MACROD2: variants seen among roughly 807,000 people sequenced by gnomAD.
The protein encoded by MACROD2 is ADP-ribose glycohydrolase MACROD2.
Under a neutral mutation model 70.4 loss-of-function variants are expected in MACROD2, and 36 were observed. The observed-to-expected ratio is 0.51, with a 90% CI of 0.39 to 0.68. The LOEUF is 0.68. MACROD2 is among the 30% of genes least tolerant of loss of function. The pLI is 0.00. For synonymous variants in MACROD2, 172 were observed against 178.8 expected (o/e 0.96, Z 0.30); for missense variants, 496 against 538.4 (o/e 0.92, Z 0.78).
At chr20:15,461,553 A>G (rs1484586381) in intron 7 of MACROD2, among the ~76,000 whole-genome samples, 3 of 152,216 alleles carry the variant, frequency 2.0e-5, no homozygotes, top group African/African-American at 7.2e-5. Context: ...ACAGTGGACA[A>G]GTTAGTTAAC....
intron 5 of MACROD2, among the ~76,000 whole-genome samples, chr20:14,817,651 T>G (rs533818493): frequency 6.7e-4 from 102 of 152,250 alleles, no homozygotes; most frequent in African/African-American, 2.1e-3. Flanking sequence ...TCCTGTTTGT[T>G]TGGTTTATTT....
intron 3 of MACROD2, among the ~76,000 whole-genome samples, chr20:14,461,760 G>T (rs6079452): frequency 0.3 from 44,812 of 151,148 alleles, 6,822 homozygotes; most frequent in African/African-American, 0.33. Flanking sequence ...GTGGTGTCTG[G>T]TTTTTTGTCC....
At chr20:15,118,695 G>T (rs2076009761) in intron 5 of MACROD2, among the ~76,000 whole-genome samples, 1 of 152,154 alleles carries the variant, frequency 6.6e-6, no homozygotes, top group Non-Finnish European at 1.5e-5. Context: ...GAAGGGTTTA[G>T]GTTGTAGAAC....
At chr20:15,066,313 T>A (rs1425472646) in intron 5 of MACROD2, among the ~76,000 whole-genome samples, 2 of 151,458 alleles carry the variant, frequency 1.3e-5, no homozygotes, top group Admixed American at 1.3e-4. Flanking sequence ...TTTGTATTTT[T>A]AGTAGAGACA....
chr20:15,756,588 C>T (rs138049972), intron 8 of MACROD2, among the ~76,000 whole-genome samples: 4 of 151,978 alleles, frequency 2.6e-5, no homozygotes, highest in Non-Finnish European at 4.4e-5. Flanking sequence ...ATGAGGATGC[C>T]GTCATAAAAT....
chr20:15,047,242 A>G (rs990797423), intron 5 of MACROD2, among the ~76,000 whole-genome samples: 1 of 152,210 alleles, frequency 6.6e-6, no homozygotes, highest in Non-Finnish European at 1.5e-5. Flanking sequence ...TGTTTATAGT[A>G]TGTACTGTGC....
At position 15,718,018 on chromosome 20, in the gene MACROD2, C is replaced by CTTTTTT. The variant is rs11087142; in HGVS notation, c.646-144717_646-144712dup. On this transcript the variant is annotated intron_variant, in intron 8 of 17. Coordinates refer to ENST00000684519, the MANE Select transcript of MACROD2 (RefSeq NM_001351661.2). ...CCATGTTTTTTATTGTGTTTTCTCT[C>CTTTTTT]TTTTTTTTTTTTTTTGTTTTGAGAC... 1.6e-3 allele frequency among the ~76,000 whole-genome samples: 221 copies of CTTTTTT among 140,406 alleles called. 2 individuals carry two copies. Among genetic ancestry groups the CTTTTTT allele is most frequent in the African/African-American group, 5.5e-3 (209 of 37,928 alleles). 92.1% of individuals were successfully genotyped at this position (140,406 alleles called of 152,430 possible).
At chr20:15,079,436 A>G (rs542049100) in intron 5 of MACROD2, among the ~76,000 whole-genome samples, 3 of 151,984 alleles carry the variant, frequency 2.0e-5, no homozygotes, top group Non-Finnish European at 4.4e-5. Flanking sequence ...CATTGCAATA[A>G]TTGCACCAGC....
At chr20:14,166,326 T>C (rs1463698083) in intron 3 of MACROD2, among the ~76,000 whole-genome samples, 1 of 152,024 alleles carries the variant, frequency 6.6e-6, no homozygotes, top group African/African-American at 2.4e-5. Context: ...ATTCCGTGTG[T>C]GTATGTGTGT....
At chr20:15,171,691 A>AAG (rs1164068512) in intron 5 of MACROD2, among the ~76,000 whole-genome samples, 35 of 152,134 alleles carry the variant, frequency 2.3e-4, no homozygotes, top group African/African-American at 7.5e-4. Flanking sequence ...CACCTCTCCA[A>AAG]AGAGACTTTC....
chr20:14,073,723 T>C (rs2053880562), intron 2 of MACROD2, among the ~76,000 whole-genome samples: 1 of 152,226 alleles, frequency 6.6e-6, no homozygotes, highest in South Asian at 2.1e-4. Context: ...TTCTCTGACA[T>C]GTATTATAAA....
At chr20:14,828,915 A>G (rs930060673) in intron 5 of MACROD2, among the ~76,000 whole-genome samples, 1 of 150,780 alleles carries the variant, frequency 6.6e-6, no homozygotes, top group African/African-American at 2.4e-5. Context: ...TTTGCCCACA[A>G]CTACAATTAA....
At chr20:14,235,728 T>G (rs1041576304) in intron 3 of MACROD2, among the ~76,000 whole-genome samples, 1 of 152,158 alleles carries the variant, frequency 6.6e-6, no homozygotes, top group Non-Finnish European at 1.5e-5. Context: ...TACTTGAATT[T>G]GATATCATTT....
intron 8 of MACROD2, among the ~76,000 whole-genome samples, chr20:15,683,192 G>C (rs895614466): frequency 6.6e-6 from 1 of 152,132 alleles, no homozygotes. Context: ...AGAAATCATT[G>C]AGTTTCTCTG....
intron 3 of MACROD2, among the ~76,000 whole-genome samples, chr20:14,479,754 C>T (rs960433014): frequency 1.3e-5 from 2 of 151,910 alleles, no homozygotes; most frequent in Non-Finnish European, 2.9e-5. Flanking sequence ...AATAGAATAT[C>T]GTAATCTCTC....
chr20:15,367,798 C>A (rs2146256855), intron 6 of MACROD2, among the ~76,000 whole-genome samples: 1 of 152,114 alleles, frequency 6.6e-6, no homozygotes, highest in Non-Finnish European at 1.5e-5. Context: ...TACTCTGATT[C>A]TTCTGCATTA....
chr20:15,792,412 A>G lies in MACROD2; in HGVS notation c.646-70333A>G, dbSNP rs1434782031. On this transcript the variant is annotated intron_variant, in intron 8 of 17. Coordinates refer to ENST00000684519, the MANE Select transcript of MACROD2 (RefSeq NM_001351661.2). Reference sequence around the variant, plus strand: ...TAAAAAAAAATCTGAACTAATAAAAATACAGTCTAAACATGTGACAGGTCG... The same window carrying G: ...TAAAAAAAAATCTGAACTAATAAAAGTACAGTCTAAACATGTGACAGGTCG... Among the ~76,000 whole-genome samples, 4 of 152,182 alleles carry G rather than the reference A, an allele frequency of 2.6e-5. No homozygotes were observed. The East Asian group carries it at 7.7e-4, about 29-fold the overall frequency.
At chr20:14,805,670 A>G (rs1158903228) in intron 5 of MACROD2, among the ~76,000 whole-genome samples, 1 of 152,044 alleles carries the variant, frequency 6.6e-6, no homozygotes, top group African/African-American at 2.4e-5. Flanking sequence ...CATGTTCTCA[A>G]CACTATGCTA....
intron 5 of MACROD2, among the ~76,000 whole-genome samples, chr20:15,164,686 A>G (rs2076371265): frequency 6.6e-6 from 1 of 152,178 alleles, no homozygotes; most frequent in African/African-American, 2.4e-5. Context: ...ACTTGAGGCC[A>G]GGAGTTCAAA....
Sources: gnomAD v4.1 joint callset for allele counts (sites outside exome capture counted in the v4.1 genomes callset) on GRCh38, gnomAD v4.1.1 for gene constraint, MANE v1.5 for transcripts, NCBI Gene and HGNC (gene_info 2026-07-23, HGNC 2026-07-21) for gene names.